The following SPTLC1 variants were observed in gnomAD, a reference collection of about 807,000 sequenced individuals.
SPTLC1 encodes the protein serine palmitoyltransferase 1.
In SPTLC1, 55 loss-of-function variants were observed where a neutral mutation model predicts 68.9. The ratio of observed to expected loss-of-function variants is 0.80; its 90% CI spans 0.64 to 1.00. The LOEUF is 1.00. Among genes scored for constraint, SPTLC1 ranks in the 50% least tolerant of loss-of-function variants. SPTLC1 has a pLI of 0.00. For synonymous variants in SPTLC1, 197 were observed against 201.6 expected (o/e 0.98, Z 0.19); for missense variants, 449 against 573.1 (o/e 0.78, Z 2.21).
chr9:92,068,879 TA>T, intron 5 of SPTLC1, among the ~76,000 whole-genome samples: 1 of 152,276 alleles, frequency 6.6e-6, no homozygotes, highest in South Asian at 2.1e-4. Flanking sequence ...CTTAGAATCT[TA>T]AAACTTTAAA....
chr9:92,108,962 T>A, intron 2 of SPTLC1, 128 bp from the exon 3 acceptor site: 2 of 1,422,714 alleles, frequency 1.4e-6, no homozygotes, highest in Non-Finnish European at 1.9e-6. Flanking sequence ...TCACTCTTAT[T>A]CAAGCTTATG....
chr9:92,101,538 G>A (rs1480582598), intron 3 of SPTLC1, among the ~76,000 whole-genome samples: 18 of 136,200 alleles, frequency 1.3e-4, no homozygotes, highest in Admixed American at 1.3e-3. Context: ...CTCCAGCCTG[G>A]GCGACAGAGC....
intron 8 of SPTLC1, among the ~76,000 whole-genome samples, chr9:92,051,487 G>A (rs547493577): frequency 1.3e-5 from 2 of 152,244 alleles, no homozygotes; most frequent in African/African-American, 2.4e-5. Flanking sequence ...CTGATAAAAG[G>A]TTATTATAAA....
chr9:92,087,651 C>G (rs1311188955), intron 3 of SPTLC1, among the ~76,000 whole-genome samples: 1 of 152,206 alleles, frequency 6.6e-6, no homozygotes, highest in Admixed American at 6.5e-5. Context: ...CAGTCTGCCC[C>G]TACTGGGGGG....
chr9:92,087,591 C>T (rs943651748), intron 3 of SPTLC1, among the ~76,000 whole-genome samples: 6 of 152,184 alleles, frequency 3.9e-5, no homozygotes, highest in East Asian at 1.9e-4. Flanking sequence ...GCTGTCTGAT[C>T]GTTCCTCTGG....
chr9:92,044,711 T>C (rs1358335228), intron 12 of SPTLC1, among the ~76,000 whole-genome samples: 1 of 152,146 alleles, frequency 6.6e-6, no homozygotes, highest in Non-Finnish European at 1.5e-5. Context: ...AAAAAGGGCC[T>C]GTGGTAGTTG....
At position 92,067,751 on chromosome 9, in the gene SPTLC1, A is replaced by G. The variant is rs562862878; in HGVS notation, c.560+215T>C. 4.0e-4 allele frequency among the ~76,000 whole-genome samples: 61 copies of G among 152,356 alleles called. 2 individuals carry two copies. In the South Asian group the frequency reaches 0.012, roughly 30 times the overall value. ...GCTGTCCTCATCTGGACATCAATAA[A>G]TAATTACCATGGCAGATAAATGACT... On this transcript the variant is annotated intron_variant, in intron 6 of 14. Coordinates refer to ENST00000262554, the MANE Select transcript of SPTLC1 (RefSeq NM_006415.4).
At chr9:92,055,650 T>C (rs1300493103) in intron 7 of SPTLC1, among the ~76,000 whole-genome samples, 156 bp from the exon 8 acceptor site, 1 of 152,188 alleles carries the variant, frequency 6.6e-6, no homozygotes, top group Non-Finnish European at 1.5e-5. Context: ...TATTTTGAGA[T>C]GAACAACAGT....
In SPTLC1 at chr9:92,045,552, A is replaced by C. The variant is rs796398638; in HGVS notation, c.1136+447T>G. ...AAAAAAAAAAAAAAAAAAAAAAAAA[A>C]CACTGATAAAATTTCACTTGTTTCT... On this transcript the variant is annotated intron_variant, in intron 12 of 14. Transcript: ENST00000262554. 9.3e-3 allele frequency among the ~76,000 whole-genome samples: 1,279 copies of C among 137,882 alleles called. 24 individuals are homozygous for C. Among genetic ancestry groups the C allele is most frequent in the African/African-American group, 0.035 (1,212 of 34,830 alleles). 90.5% of individuals were successfully genotyped at this position (137,882 alleles called of 152,430 possible).
intron 6 of SPTLC1, among the ~76,000 whole-genome samples, chr9:92,061,001 G>C (rs1440323625): frequency 1.3e-5 from 2 of 151,936 alleles, no homozygotes; most frequent in African/African-American, 4.8e-5. Flanking sequence ...GAGTCTCAGG[G>C]ACCCATGGGA....
Position 92,078,373 on chromosome 9 carries a change from A to G in SPTLC1, c.427+1643T>C, listed in dbSNP as rs561170145. The stretch of plus-strand genomic sequence containing the variant: ...ACCAAGCAAACAACCCATTTGCATT[A>G]GACTAGAGGAAAGTGGGAGGCTCTG... On this transcript the variant is annotated intron_variant, in intron 5 of 14. Coordinates refer to ENST00000262554, the MANE Select transcript of SPTLC1 (RefSeq NM_006415.4). Among the ~76,000 whole-genome samples, 16 of 152,360 alleles carry G rather than the reference A, an allele frequency of 1.1e-4. No homozygotes were observed. The South Asian group carries it at 3.3e-3, about 32-fold the overall frequency.
chr9:92,095,999 C>A (rs1564113093), intron 3 of SPTLC1, among the ~76,000 whole-genome samples: 1 of 152,192 alleles, frequency 6.6e-6, no homozygotes, highest in Non-Finnish European at 1.5e-5. Context: ...TGTGTATAAA[C>A]TGGAAGTCCT....
intron 7 of SPTLC1, among the ~76,000 whole-genome samples, chr9:92,057,206 T>C (rs971027322): frequency 7.9e-5 from 12 of 152,256 alleles, no homozygotes; most frequent in Admixed American, 6.5e-4. Flanking sequence ...ATGATTTTAA[T>C]GGAGACGTTC....
Position 92,047,667 on chromosome 9 carries a change from T to G in SPTLC1, c.930A>C (p.Ala310=). 4 of 1,613,780 alleles carry G rather than the reference T, an allele frequency of 2.5e-6. No homozygotes were observed. The highest frequency in any genetic ancestry group is 3.4e-6 in the Non-Finnish European group (4 of 1,179,780). ...AGCAGAAACCTCCAATAGAAGCAAG[T>G]GCATTCTCCATGTTGGCACTGATAA... ...IDLISANMEN[A]LASIGGFCCG... Residue 310 remains alanine, a synonymous_variant, in exon 10 of 15, where the codon GCA becomes GCC. Coordinates refer to ENST00000262554, the MANE Select transcript of SPTLC1 (RefSeq NM_006415.4).
At chr9:92,060,990 A>G (rs904936854) in intron 6 of SPTLC1, among the ~76,000 whole-genome samples, 3 of 152,024 alleles carry the variant, frequency 2.0e-5, no homozygotes, top group Non-Finnish European at 4.4e-5. Flanking sequence ...AGAAATGAAC[A>G]GAGTCTCAGG....
intron 14 of SPTLC1, 150 bp from the exon 15 acceptor site, chr9:92,032,708 C>G (rs1157560534): frequency 4.6e-6 from 5 of 1,083,420 alleles, no homozygotes; most frequent in Non-Finnish European, 6.7e-6. Flanking sequence ...AACCCCATCT[C>G]TGCTAAAAAT....
chr9:92,086,143 C>A (rs934283868), intron 3 of SPTLC1, among the ~76,000 whole-genome samples: 1 of 151,874 alleles, frequency 6.6e-6, no homozygotes, highest in African/African-American at 2.4e-5. Context: ...TGTCTCTGCA[C>A]GTGAGATGGG....
chr9:92,058,941 C>T (rs1203586310), intron 7 of SPTLC1, among the ~76,000 whole-genome samples: 6 of 152,160 alleles, frequency 3.9e-5, no homozygotes, highest in Admixed American at 2.6e-4. Flanking sequence ...CTCTCTTGAT[C>T]TCTCAGAAAG....
intron 1 of SPTLC1, 54 bp downstream of exon 1, chr9:92,115,260 C>T: frequency 6.3e-7 from 1 of 1,583,632 alleles, no homozygotes; most frequent in Non-Finnish European, 8.7e-7. Context: ...ACGCGTCCTC[C>T]CACCCTCCCC....
Sources: gnomAD v4.1 joint callset for allele counts (sites outside exome capture counted in the v4.1 genomes callset) on GRCh38, gnomAD v4.1.1 for gene constraint, MANE v1.5 for transcripts, NCBI Gene and HGNC (gene_info 2026-07-23, HGNC 2026-07-21) for gene names.